The following DNAH3 variants were observed in gnomAD, a reference collection of about 807,000 sequenced individuals.
The protein encoded by DNAH3 is axonemal beta dynein heavy chain 3.
Under a neutral mutation model 432.5 loss-of-function variants are expected in DNAH3, and 332 were observed. The ratio of observed to expected loss-of-function variants is 0.77; its 90% CI spans 0.70 to 0.84. DNAH3 has a LOEUF of 0.84. Among genes scored for constraint, DNAH3 ranks in the 40% least tolerant of loss-of-function variants. The pLI is 0.00. For missense variants in DNAH3, 4,861 were observed against 5,114.0 expected (o/e 0.95, Z 1.51); for synonymous variants, 1,956 against 1,900.2 (o/e 1.03, Z -0.76).
intron 1 of DNAH3, 83 bp from the exon 2 acceptor site, chr16:21,150,617 T>A (rs773467204): frequency 5.2e-6 from 1 of 192,644 alleles, no homozygotes; most frequent in South Asian, 9.6e-5. Flanking sequence ...TGGTTCCTAG[T>A]CCCCCAGCGG....
At chr16:20,977,030 A>G (rs918404247) in intron 50 of DNAH3, among the ~76,000 whole-genome samples, 12 of 152,182 alleles carry the variant, frequency 7.9e-5, no homozygotes, top group Non-Finnish European at 1.6e-4. Flanking sequence ...AACTCCTCTA[A>G]TAACAGGGAG....
intron 42 of DNAH3, among the ~76,000 whole-genome samples, chr16:21,002,444 GTTA>G (rs67362610): frequency 0.48 from 69,792 of 146,702 alleles, 16,561 homozygotes; most frequent in South Asian, 0.6. Flanking sequence ...ATCTGGTGTT[GTTA>G]TTATTATTAT....
At chr16:21,068,045 A>G (rs774836943) in intron 23 of DNAH3, among the ~76,000 whole-genome samples, 5 of 152,192 alleles carry the variant, frequency 3.3e-5, no homozygotes, top group Non-Finnish European at 7.3e-5. Flanking sequence ...GACAATCTAA[A>G]TTCCATTTAT....
At chr16:21,067,777 GAGA>G (rs2090618760) in intron 23 of DNAH3, among the ~76,000 whole-genome samples, 2 of 46,820 alleles carry the variant, frequency 4.3e-5, no homozygotes, top group Non-Finnish European at 8.4e-5. Flanking sequence ...GGTGGGGAGG[GAGA>G]GAGAGAGAGA....
chr16:21,028,254 A>G (rs2088675203), intron 37 of DNAH3, among the ~76,000 whole-genome samples: 1 of 152,078 alleles, frequency 6.6e-6, no homozygotes, highest in Non-Finnish European at 1.5e-5. Context: ...GTGTTGCCCA[A>G]GCTGATCTCA....
At chr16:21,119,147 G>A (rs148372105) in intron 11 of DNAH3, among the ~76,000 whole-genome samples, 74 of 152,276 alleles carry the variant, frequency 4.9e-4, no homozygotes, top group Non-Finnish European at 8.1e-4. Context: ...TGGTCAATGC[G>A]TGAATGAAAT....
intron 56 of DNAH3, among the ~76,000 whole-genome samples, chr16:20,951,738 ATTTTTT>A (rs869256566): frequency 4.1e-5 from 3 of 73,462 alleles, no homozygotes; most frequent in South Asian, 4.4e-4. Flanking sequence ...CCTGGCCCGT[ATTTTTT>A]TTTTTTTTTT....
chr16:21,152,920 G>T (rs2092871182), intron 1 of DNAH3, among the ~76,000 whole-genome samples: 1 of 152,176 alleles, frequency 6.6e-6, no homozygotes, highest in Non-Finnish European at 1.5e-5. Flanking sequence ...CCTCCCCGAC[G>T]AGCGCCACCC....
chr16:21,066,970 G>A (rs2090574128), intron 24 of DNAH3, among the ~76,000 whole-genome samples: 1 of 152,158 alleles, frequency 6.6e-6, no homozygotes, highest in African/African-American at 2.4e-5. Context: ...AGAAAAGCTG[G>A]GATGCCAAAG....
exon 52 of DNAH3, chr16:20,969,794 G>A: frequency 6.2e-7 from 1 of 1,614,090 alleles, no homozygotes; most frequent in East Asian, 2.2e-5. Flanking sequence ...GCACTTACCG[G>A]AGCCACTGGG....
At chr16:20,999,057 C>A (rs1017012420) in intron 43 of DNAH3, among the ~76,000 whole-genome samples, 5 of 152,028 alleles carry the variant, frequency 3.3e-5, no homozygotes, top group Non-Finnish European at 7.4e-5. Context: ...AGGAGTTCGA[C>A]CACCTGGGTA....
At chr16:21,021,943 T>C in intron 40 of DNAH3, 28 bp downstream of exon 40, 1 of 1,610,744 alleles carries the variant, frequency 6.2e-7, no homozygotes, top group Non-Finnish European at 8.5e-7. Context: ...ACCCCCCATG[T>C]GGCTTAAGAA....
intron 12 of DNAH3, among the ~76,000 whole-genome samples, chr16:21,116,810 T>C (rs1486810151): frequency 6.6e-6 from 1 of 152,228 alleles, no homozygotes; most frequent in African/African-American, 2.4e-5. Context: ...TGAATATTTA[T>C]AGGTTTCCCT....
At chr16:21,112,135 T>C (rs2092090627) in intron 12 of DNAH3, 37 bp from the exon 13 acceptor site, 1 of 1,428,488 alleles carries the variant, frequency 7.0e-7, no homozygotes, top group Non-Finnish European at 9.8e-7. Context: ...AACACACAAA[T>C]ATAAGTCAAC....
intron 41 of DNAH3, among the ~76,000 whole-genome samples, chr16:21,014,450 T>G (rs756237559): frequency 1.3e-5 from 2 of 152,178 alleles, no homozygotes; most frequent in African/African-American, 2.4e-5. Context: ...TAGAGGGAAC[T>G]TGTCAACTTG....
chr16:21,034,179 A>G (rs2089044060), intron 35 of DNAH3, 94 bp from the exon 36 acceptor site: 1 of 785,086 alleles, frequency 1.3e-6, no homozygotes, highest in Admixed American at 2.4e-5. Context: ...AGGGGTCAGA[A>G]GAGGATTCTC....
chr16:21,158,858 G>A (rs1235442849), intron 1 of DNAH3: 2 of 163,376 alleles, frequency 1.2e-5, no homozygotes, highest in Non-Finnish European at 2.7e-5. Context: ...GCGCGCTATC[G>A]GGGTCCCACG....
chr16:21,043,516 GTTGT>G (rs1192385483), intron 31 of DNAH3, among the ~76,000 whole-genome samples: 153 of 71,816 alleles, frequency 2.1e-3, no homozygotes, highest in African/African-American at 8.9e-3. Flanking sequence ...TTTTGATGGG[GTTGT>G]TTGTTTTTTT....
At chr16:21,146,558 T>C (rs983265789) in intron 1 of DNAH3, among the ~76,000 whole-genome samples, 1 of 152,172 alleles carries the variant, frequency 6.6e-6, no homozygotes, top group Non-Finnish European at 1.5e-5. Context: ...AGTGACTAAA[T>C]CTAATTATCA....
Sources: gnomAD v4.1 joint callset for allele counts (sites outside exome capture counted in the v4.1 genomes callset) on GRCh38, gnomAD v4.1.1 for gene constraint, MANE v1.5 for transcripts, NCBI Gene and HGNC (gene_info 2026-07-23, HGNC 2026-07-21) for gene names.